Variants in USP24 observed in about 807,000 individuals in gnomAD.
USP24 encodes ubiquitin specific peptidase 24, also known as ubiquitin carboxyl-terminal hydrolase 24.
USP24 carries 97 observed loss-of-function variants against 361.6 expected under a neutral mutation model. The observed-to-expected ratio is 0.27, with a 90% CI of 0.23 to 0.32. USP24 has a LOEUF of 0.32. Ranked by LOEUF, USP24 falls within the 10% of genes least tolerant of loss-of-function variation. The pLI is 1.00. For missense variants in USP24, 2,353 were observed against 3,165.6 expected (o/e 0.74, Z 6.16); for synonymous variants, 1,098 against 1,124.6 (o/e 0.98, Z 0.47).
chr1:55,106,541 G>C (rs688743), intron 40 of USP24, among the ~76,000 whole-genome samples: 152,333 of 152,350 alleles, frequency 1, 76,158 homozygotes, highest in Non-Finnish European at 1. Flanking sequence ...TTTAGAAACA[G>C]AAGTGCCAAG....
chr1:55,212,594 A>G (rs189457165), intron 1 of USP24, among the ~76,000 whole-genome samples: 40 of 152,298 alleles, frequency 2.6e-4, no homozygotes, highest in Non-Finnish European at 4.9e-4. Flanking sequence ...CACTGTGTAC[A>G]CCAAGGATGA....
At position 55,154,672 on chromosome 1, in the gene USP24, T is replaced by C. The variant is rs537529597; in HGVS notation, c.1553A>G (p.Lys518Arg). Residue 518 changes from lysine (K) to arginine (R), a missense_variant and splice_region_variant, in exon 13 of 68, where the codon AAG becomes AGG. Lys to Arg is a conservative substitution (Grantham distance 26). Around this residue, in one of 8 missense-constraint regions of USP24, gnomAD observed 386 missense variants for 560.5 expected, o/e 0.69. Transcript: ENST00000294383. ...QLNHLFVLIQ[K>R]SWETESDRVR... ...AAGCAAGTCTGACTGAACACGTACC[T>C]TCTGAATGAGAACAAACAAATGATT... 1 of 1,612,594 alleles carries C rather than the reference T, an allele frequency of 6.2e-7. No individual in the cohort carries two copies. Among genetic ancestry groups the C allele is most frequent in the Admixed American group, 1.7e-5 (1 of 59,868 alleles).
chr1:55,178,928 A>C (rs1010908001), intron 1 of USP24, among the ~76,000 whole-genome samples: 1 of 152,052 alleles, frequency 6.6e-6, no homozygotes, highest in Non-Finnish European at 1.5e-5. Flanking sequence ...ATAAAATATC[A>C]AATGCTTGCC....
chr1:55,152,056 G>C, intron 16 of USP24: 2 of 940,346 alleles, frequency 2.1e-6, no homozygotes, highest in Non-Finnish European at 2.5e-6. Context: ...CCATATCCAG[G>C]GGGCTTTGAT....
intron 1 of USP24, among the ~76,000 whole-genome samples, chr1:55,212,543 T>C (rs1030786194): frequency 2.6e-5 from 4 of 152,216 alleles, no homozygotes; most frequent in Admixed American, 2.6e-4. Context: ...ATAATATTTA[T>C]TACCTTTCCC....
chr1:55,088,720 G>A (rs896486494), intron 55 of USP24, among the ~76,000 whole-genome samples: 1 of 152,162 alleles, frequency 6.6e-6, no homozygotes, highest in Non-Finnish European at 1.5e-5. Flanking sequence ...CAGAGACCAC[G>A]GCAGTGCTTG....
In USP24 at chr1:55,200,100, C is replaced by T. The variant is rs570254808; in HGVS notation, c.324+14690G>A. 7.9e-5 allele frequency among the ~76,000 whole-genome samples: 12 copies of T among 152,342 alleles called. No individual in the cohort carries two copies. The East Asian group carries it at 1.7e-3, about 22-fold the overall frequency. On this transcript the variant is annotated intron_variant, in intron 1 of 67. Coordinates refer to ENST00000294383, the MANE Select transcript of USP24 (RefSeq NM_015306.3). ...CTCCCACTGGGTCCCTCGCACAACACGTGGACGTGGGAATTATGGGAGTAT... is the reference window on the plus strand; with the variant it reads ...CTCCCACTGGGTCCCTCGCACAACATGTGGACGTGGGAATTATGGGAGTAT...
intron 12 of USP24, among the ~76,000 whole-genome samples, chr1:55,155,082 T>C (rs1647498026): frequency 6.6e-6 from 1 of 151,960 alleles, no homozygotes; most frequent in South Asian, 2.1e-4. Flanking sequence ...GAACAAAATA[T>C]TTTCAACTGC....
intron 1 of USP24, among the ~76,000 whole-genome samples, chr1:55,211,232 T>C (rs1644839343): frequency 6.6e-6 from 1 of 152,218 alleles, no homozygotes; most frequent in African/African-American, 2.4e-5. Flanking sequence ...ATAAGTTATT[T>C]AGAGCAGCTG....
chr1:55,085,337 C>G (rs1037876896), intron 56 of USP24, among the ~76,000 whole-genome samples: 1 of 152,214 alleles, frequency 6.6e-6, no homozygotes, highest in East Asian at 1.9e-4. Flanking sequence ...GCAGTAATTC[C>G]TAGAATCTGT....
intron 1 of USP24, among the ~76,000 whole-genome samples, chr1:55,205,169 A>T (rs1352042023): frequency 6.6e-6 from 1 of 152,174 alleles, no homozygotes; most frequent in Non-Finnish European, 1.5e-5. Flanking sequence ...CCTTTGGCCA[A>T]AAAAGGGGCT....
chr1:55,179,298 T>C (rs80178342), intron 1 of USP24, among the ~76,000 whole-genome samples: 12,239 of 152,166 alleles, frequency 0.08, 774 homozygotes, highest in African/African-American at 0.18. Flanking sequence ...TTCTGGTACA[T>C]CTTCATCTTC....
intron 33 of USP24, 53 bp from the exon 34 acceptor site, chr1:55,125,601 C>T: frequency 6.3e-7 from 1 of 1,581,202 alleles, no homozygotes; most frequent in Non-Finnish European, 8.6e-7. Context: ...TATTTAAAAA[C>T]ATGATTTGCG....
In USP24 at chr1:55,174,823, G is replaced by T. The variant is rs1434747043; in HGVS notation, c.558+1553C>A. ...TTTTTTAAATTTTGTAGAGACAGGGGTCTCACATGTTGCCCAGGCTGGTCT... is the reference window on the plus strand; with the variant it reads ...TTTTTTAAATTTTGTAGAGACAGGGTTCTCACATGTTGCCCAGGCTGGTCT... On this transcript the variant is annotated intron_variant, in intron 3 of 67. Coordinates refer to ENST00000294383, the MANE Select transcript of USP24 (RefSeq NM_015306.3). Among the ~76,000 whole-genome samples the T allele has an allele frequency of 8.6e-4, 4 of 4,648 alleles. No homozygotes were observed. The Non-Finnish European group carries it at 0.026, about 30-fold the overall frequency. The allele number at this position is 4,648 out of a possible 152,430, so 3.0% of individuals were successfully genotyped here. A position where few individuals can be genotyped will look rare whatever the true frequency, so the allele number is the denominator to read the frequency against.
chr1:55,087,278 T>A (rs1380273556), intron 55 of USP24, among the ~76,000 whole-genome samples: 2 of 152,192 alleles, frequency 1.3e-5, no homozygotes, highest in Non-Finnish European at 1.5e-5. Flanking sequence ...AAACAAACTA[T>A]AATAAACTCC....
chr1:55,123,335 C>T (rs1331923432), intron 36 of USP24, 112 bp downstream of exon 36: 1 of 1,273,458 alleles, frequency 7.9e-7, no homozygotes, highest in African/African-American at 1.5e-5. Context: ...CAACTTCCCG[C>T]CTTTTTCATT....
In USP24 at chr1:55,067,043, T is replaced by G. The variant is rs1048059056; in HGVS notation, c.*2002A>C. ...AAGCAACATGATCTGAAGCGTATAA[T>G]ATACACGGTGGACGATCCTGATGAA... On this transcript the variant is annotated 3_prime_UTR_variant, in exon 68 of 68. Transcript: ENST00000294383. 6.6e-6 allele frequency: 1 copy of G among 152,158 alleles called. No individual in the cohort carries two copies. Among genetic ancestry groups the G allele is most frequent in the Non-Finnish European group, 1.5e-5 (1 of 68,028 alleles). 9.4% of individuals were successfully genotyped at this position (152,158 alleles called of 1,614,324 possible).
At chr1:55,160,050 A>G (rs1194329830) in intron 8 of USP24, among the ~76,000 whole-genome samples, 1 of 152,218 alleles carries the variant, frequency 6.6e-6, no homozygotes, top group African/African-American at 2.4e-5. Flanking sequence ...AGACCATGGA[A>G]ATTATGCTGT....
intron 44 of USP24, among the ~76,000 whole-genome samples, chr1:55,100,100 A>G (rs1645593765): frequency 6.6e-6 from 1 of 152,242 alleles, no homozygotes; most frequent in South Asian, 2.1e-4. Context: ...GGTAAGATCT[A>G]GGCCATGGAA....
Sources: allele counts gnomAD v4.1 joint callset (sites outside exome capture counted in the v4.1 genomes callset), GRCh38; gene constraint gnomAD v4.1.1; regional missense constraint gnomAD v4.1.1; transcripts MANE v1.5; gene names NCBI Gene and HGNC (gene_info 2026-07-23, HGNC 2026-07-21).